The following PDSS2 variants were observed in gnomAD, a reference collection of about 807,000 sequenced individuals.
The protein encoded by PDSS2 is all trans-polyprenyl-diphosphate synthase PDSS2.
In PDSS2, 31 loss-of-function variants were observed where a neutral mutation model predicts 44.5. That is an observed-to-expected ratio of 0.70 (90% confidence interval 0.52 to 0.94). PDSS2 has a LOEUF of 0.94. Among genes scored for constraint, PDSS2 ranks in the 40% least tolerant of loss-of-function variants. The probability of loss-of-function intolerance (pLI) is 0.00; values close to 1 mark genes in which losing one functional copy is unlikely to be tolerated. For missense variants in PDSS2, 452 were observed against 482.2 expected (o/e 0.94, Z 0.59); for synonymous variants, 157 against 180.3 (o/e 0.87, Z 1.03).
Position 107,263,077 on chromosome 6 carries a change from A to G in PDSS2, c.630+10952T>C, listed in dbSNP as rs971874286. Among the ~76,000 whole-genome samples the G allele has an allele frequency of 2.0e-5, 3 of 152,350 alleles. No individual in the cohort carries two copies. In the South Asian group the frequency reaches 6.2e-4, roughly 32 times the overall value. On this transcript the variant is annotated intron_variant, in intron 3 of 7. Transcript: ENST00000369037. ...TGTCAACATTTAAAAATAATTTAAC[A>G]AATATTTCTTGTTCAGTTTGTTTTC... is the stretch of plus-strand genomic sequence containing the variant.
chr6:107,204,568 G>A (rs771407870), intron 6 of PDSS2, among the ~76,000 whole-genome samples: 22 of 152,116 alleles, frequency 1.4e-4, no homozygotes, highest in South Asian at 6.2e-4. Context: ...AACATTGCAT[G>A]CCTGCACCTG....
At chr6:107,287,292 A>G (rs1776186689) in intron 2 of PDSS2, among the ~76,000 whole-genome samples, 1 of 152,128 alleles carries the variant, frequency 6.6e-6, no homozygotes, top group African/African-American at 2.4e-5. Flanking sequence ...CACAGTCTCC[A>G]CCACTTCCTT....
chr6:107,277,038 G>C (rs1173611676), intron 2 of PDSS2, among the ~76,000 whole-genome samples: 2 of 152,198 alleles, frequency 1.3e-5, no homozygotes, highest in East Asian at 3.8e-4. Flanking sequence ...ACCAAGGTTT[G>C]GAGTAGTTTG....
rs71861456 is a variant in PDSS2 at position 107,337,039 on chromosome 6, C to CCACACA, written c.297-2713_297-2708dup. ...TCTCAGAAATAGGACCTTTCACATA[C>CCACACA]CACACACACACACACACACACACAC... On this transcript the variant is annotated intron_variant, in intron 1 of 7. Transcript: ENST00000369037. Among the ~76,000 whole-genome samples the CCACACA allele has an allele frequency of 7.2e-3, 1,020 of 141,572 alleles. 5 individuals are homozygous for CCACACA. Among genetic ancestry groups the CCACACA allele is most frequent in the South Asian group, 0.03 (124 of 4,188 alleles). 92.9% of individuals were successfully genotyped at this position (141,572 alleles called of 152,430 possible). A position where few individuals can be genotyped will look rare whatever the true frequency, so the allele number is the denominator to read the frequency against.
intron 2 of PDSS2, among the ~76,000 whole-genome samples, chr6:107,320,992 C>T (rs575137335): frequency 2.6e-5 from 4 of 152,160 alleles, no homozygotes; most frequent in South Asian, 4.2e-4. Context: ...AACTTGAGCA[C>T]GTTATTAAAT....
intron 1 of PDSS2, among the ~76,000 whole-genome samples, chr6:107,348,753 C>A (rs142871144): frequency 7.0e-4 from 106 of 152,286 alleles, no homozygotes; most frequent in African/African-American, 2.5e-3. Context: ...AATGGATACA[C>A]CAGCGACTCA....
chr6:107,331,793 T>C (rs1777718988), intron 2 of PDSS2, among the ~76,000 whole-genome samples: 1 of 152,178 alleles, frequency 6.6e-6, no homozygotes, highest in Admixed American at 6.5e-5. Context: ...ATATTTACTA[T>C]GTATCAAGTA....
At chr6:107,432,338 A>T (rs1395583847) in intron 1 of PDSS2, among the ~76,000 whole-genome samples, 1 of 152,240 alleles carries the variant, frequency 6.6e-6, no homozygotes, top group South Asian at 2.1e-4. Flanking sequence ...ATTCAAAAGC[A>T]AAAACATTCT....
Position 107,375,439 on chromosome 6 carries a change from T to C in PDSS2, c.297-41107A>G, listed in dbSNP as rs76295407. 1.4e-3 allele frequency among the ~76,000 whole-genome samples: 211 copies of C among 152,322 alleles called. 3 individuals are homozygous for C. Among genetic ancestry groups the C allele is most frequent in the African/African-American group, 4.8e-3 (199 of 41,594 alleles). On this transcript the variant is annotated intron_variant, in intron 1 of 7. Transcript: ENST00000369037. Reference sequence around the variant, plus strand: ...ATACTTCAAAAAGATAATAAAAGCATATTACAAAGAACTTTATGCCCATGC... The same window carrying C: ...ATACTTCAAAAAGATAATAAAAGCACATTACAAAGAACTTTATGCCCATGC...
chr6:107,152,792 C>T lies in PDSS2; in HGVS notation c.*1827G>A, dbSNP rs1465247529. The T allele has an allele frequency of 6.6e-6, 1 of 152,192 alleles. No homozygotes were observed. Among genetic ancestry groups the T allele is most frequent in the Non-Finnish European group, 1.5e-5 (1 of 68,044 alleles). 9.4% of individuals were successfully genotyped at this position (152,192 alleles called of 1,614,324 possible). A position where few individuals can be genotyped will look rare whatever the true frequency, so the allele number is the denominator to read the frequency against. Reference sequence around the variant, plus strand: ...TAAAACCTACTGCTTGCTGAAGTTCCTGCACATCCAACCAGCACACCTAAC... The same window carrying T: ...TAAAACCTACTGCTTGCTGAAGTTCTTGCACATCCAACCAGCACACCTAAC... On this transcript the variant is annotated 3_prime_UTR_variant, in exon 8 of 8. Transcript: ENST00000369037.
intron 2 of PDSS2, among the ~76,000 whole-genome samples, chr6:107,310,739 G>A (rs1777017791): frequency 6.6e-6 from 1 of 152,052 alleles, no homozygotes; most frequent in Non-Finnish European, 1.5e-5. Flanking sequence ...GGACTGTCAG[G>A]TCCATGTGCT....
intron 1 of PDSS2, among the ~76,000 whole-genome samples, chr6:107,437,525 CAAAAAA>C (rs60133518): frequency 3.3e-4 from 42 of 126,730 alleles, no homozygotes; most frequent in African/African-American, 1.2e-3. Flanking sequence ...ACCCTGTCTC[CAAAAAA>C]AAAAAAAAAA....
intron 7 of PDSS2, among the ~76,000 whole-genome samples, chr6:107,173,091 T>TC (rs1233436489): frequency 3.5e-5 from 5 of 142,360 alleles, no homozygotes; most frequent in South Asian, 2.2e-4. Flanking sequence ...GCCACTGCAC[T>TC]CCAACCTGGC....
intron 3 of PDSS2, among the ~76,000 whole-genome samples, chr6:107,272,349 T>C (rs1159075360): frequency 2.6e-5 from 4 of 152,170 alleles, no homozygotes; most frequent in Admixed American, 2.6e-4. Context: ...CAAACTAGGA[T>C]GTACACTGAT....
At chr6:107,258,279 T>C (rs1775091564) in intron 3 of PDSS2, among the ~76,000 whole-genome samples, 1 of 152,148 alleles carries the variant, frequency 6.6e-6, no homozygotes, top group South Asian at 2.1e-4. Context: ...CCTGACTTTA[T>C]TAACAATTTC....
intron 7 of PDSS2, among the ~76,000 whole-genome samples, chr6:107,179,729 C>T (rs1771908374): frequency 6.6e-6 from 1 of 152,142 alleles, no homozygotes; most frequent in Admixed American, 6.6e-5. Context: ...AACTGAGGGA[C>T]ATAGCCACCT....
intron 1 of PDSS2, among the ~76,000 whole-genome samples, chr6:107,388,475 G>C (rs1417456880): frequency 4.2e-5 from 6 of 144,576 alleles, no homozygotes; most frequent in African/African-American, 7.8e-5. Flanking sequence ...TTGAGACGGA[G>C]TCTCGCTCTG....
intron 7 of PDSS2, among the ~76,000 whole-genome samples, chr6:107,184,369 A>C (rs1275611190): frequency 6.6e-6 from 1 of 152,232 alleles, no homozygotes. Context: ...TTCAAGGCTC[A>C]AAAAAGAAAA....
At chr6:107,443,448 C>T (rs1046352519) in intron 1 of PDSS2, among the ~76,000 whole-genome samples, 4 of 152,128 alleles carry the variant, frequency 2.6e-5, no homozygotes, top group African/African-American at 9.7e-5. Flanking sequence ...ACAGAAGCAA[C>T]CTATATATTC....
Sources: gnomAD v4.1 joint callset for allele counts (sites outside exome capture counted in the v4.1 genomes callset) on GRCh38, gnomAD v4.1.1 for gene constraint, MANE v1.5 for transcripts, NCBI Gene and HGNC (gene_info 2026-07-23, HGNC 2026-07-21) for gene names.